The following TRAPPC13 variants were observed in gnomAD, a reference collection of about 807,000 sequenced individuals.
The protein encoded by TRAPPC13 is trafficking protein particle complex subunit 13.
In TRAPPC13, 39 loss-of-function variants were observed where a neutral mutation model predicts 54.0. That is an observed-to-expected ratio of 0.72 (90% CI 0.56 to 0.94). TRAPPC13 has a LOEUF of 0.94. Ranked by LOEUF, TRAPPC13 falls within the 40% of genes least tolerant of loss-of-function variation. The probability of loss-of-function intolerance (pLI) is 0.00; values close to 1 mark genes in which losing one functional copy is unlikely to be tolerated. For synonymous variants in TRAPPC13, 148 were observed against 167.7 expected, an observed-to-expected ratio of 0.88 and a Z score of 0.91; for missense variants, 386 against 488.1, an observed-to-expected ratio of 0.79 and a Z score of 1.97.
intron 1 of TRAPPC13, among the ~76,000 whole-genome samples, chr5:65,628,622 C>A (rs1479523538): frequency 6.6e-6 from 1 of 151,950 alleles, no homozygotes; most frequent in Non-Finnish European, 1.5e-5. Context: ...CAGGCACACG[C>A]CACCACAGCC....
At chr5:65,646,627 C>G (rs1482216167) in intron 4 of TRAPPC13, among the ~76,000 whole-genome samples, 1 of 152,014 alleles carries the variant, frequency 6.6e-6, no homozygotes, top group Non-Finnish European at 1.5e-5. Flanking sequence ...TGAAAAAACA[C>G]GTGTCGTAGC....
intron 4 of TRAPPC13, among the ~76,000 whole-genome samples, chr5:65,640,809 G>A (rs1298482336): frequency 2.0e-5 from 3 of 152,106 alleles, no homozygotes. Context: ...TCTAAAACAT[G>A]ATTTTATATT....
At chr5:65,658,721 T>TATTC (rs1373242713) in intron 9 of TRAPPC13, among the ~76,000 whole-genome samples, 1 of 150,896 alleles carries the variant, frequency 6.6e-6, no homozygotes, top group Admixed American at 6.6e-5. Flanking sequence ...TTTTTATTTT[T>TATTC]ATTTATTTAT....
At position 65,652,907 on chromosome 5, in the gene TRAPPC13, G is replaced by A. The variant is rs138618457; in HGVS notation, c.546+362G>A. On this transcript the variant is annotated intron_variant, in intron 7 of 12. Coordinates refer to ENST00000399438, the MANE Select transcript of TRAPPC13 (RefSeq NM_024941.4). ...AAATTGAATTAGTAGATCTAACGCT[G>A]CAAAATAGATTTAATATTCACATGG... 2.4e-3 allele frequency among the ~76,000 whole-genome samples: 372 copies of A among 152,032 alleles called. 4 individuals are homozygous for A. Among genetic ancestry groups the A allele is most frequent in the African/African-American group, 8.8e-3 (367 of 41,484 alleles).
At chr5:65,648,605 A>G (rs1035875774) in intron 5 of TRAPPC13, among the ~76,000 whole-genome samples, 1 of 152,196 alleles carries the variant, frequency 6.6e-6, no homozygotes, top group East Asian at 1.9e-4. Flanking sequence ...CTACCTTGCT[A>G]TACTATTCTT....
Sources: allele counts gnomAD v4.1 joint callset (sites outside exome capture counted in the v4.1 genomes callset), GRCh38; gene constraint gnomAD v4.1.1; transcripts MANE v1.5; gene names NCBI Gene and HGNC (gene_info 2026-07-23, HGNC 2026-07-21).